Variants in FGF2 observed in about 807,000 individuals in gnomAD.
FGF2 encodes the protein basic fibroblast growth factor bFGF.
FGF2 carries 13 observed loss-of-function variants against 15.9 expected under a neutral mutation model. That is an observed-to-expected ratio of 0.82 (90% CI 0.53 to 1.30). The LOEUF is 1.30. Ranked by LOEUF, FGF2 falls within the 50% of genes most tolerant of loss-of-function variation. The pLI is 0.00. For missense variants in FGF2, 163 were observed against 196.9 expected (o/e 0.83, Z 1.03); for synonymous variants, 90 against 78.4 (o/e 1.15, Z -0.78).
chr4:122,895,538 C>A lies in FGF2; in HGVS notation c.*3142C>A, dbSNP rs187737646. On this transcript the variant is annotated 3_prime_UTR_variant, in exon 3 of 3. Transcript: ENST00000644866. ...ACTGATGATCTCTGATAAGGCTCAG[C>A]TGCTTTATAGTTCTCTGGCTAATGC... is the stretch of plus-strand genomic sequence containing the variant. The A allele has an allele frequency of 6.6e-6, 1 of 152,308 alleles. No individual in the cohort carries two copies. Among genetic ancestry groups the A allele is most frequent in the African/African-American group, 2.4e-5 (1 of 41,568 alleles). 9.4% of individuals were successfully genotyped at this position (152,308 alleles called of 1,614,324 possible). A position where few individuals can be genotyped will look rare whatever the true frequency, so the allele number is the denominator to read the frequency against.
Position 122,827,489 on chromosome 4 carries a change from T to G in FGF2, c.178+137T>G. On this transcript the variant is annotated intron_variant, in intron 1 of 2. Transcript: ENST00000644866. The surrounding 1 kb of genome is among the most constrained non-coding windows in gnomAD (Gnocchi z 4.2). ...CGTGTGGTTTCTGGCCGCGCGGCCC[T>G]CGGCGGTTTCGGGTTCACCACTCAC... 1 of 995,342 alleles carries G rather than the reference T, an allele frequency of 1.0e-6. No individual in the cohort carries two copies. The allele number at this position is 995,342 out of a possible 1,614,324, so 61.7% of individuals were successfully genotyped here.
chr4:122,853,941 A>G (rs1349057521), intron 1 of FGF2, among the ~76,000 whole-genome samples: 2 of 152,354 alleles, frequency 1.3e-5, no homozygotes, highest in African/African-American at 4.8e-5. Context: ...ACTATTAAAA[A>G]TAGACATTTG....
chr4:122,857,118 A>G (rs111570184), intron 1 of FGF2, among the ~76,000 whole-genome samples: 2,155 of 152,306 alleles, frequency 0.014, 43 homozygotes, highest in South Asian at 0.04. Context: ...TATTCTTACC[A>G]GAAAATGCCC....
At position 122,827,862 on chromosome 4, in the gene FGF2, A is replaced by C. The variant is rs1290291626; in HGVS notation, c.178+510A>C. On this transcript the variant is annotated intron_variant, in intron 1 of 2. Transcript: ENST00000644866. This position sits in a 1 kb window ranked among gnomAD's most constrained non-coding sequence, Gnocchi z 4.2. Reference sequence around the variant, plus strand: ...ACACTACTCTCACCCACTCTGTTTTATATTTTTCCGAATTGACGAAAGCTG... The same window carrying C: ...ACACTACTCTCACCCACTCTGTTTTCTATTTTTCCGAATTGACGAAAGCTG... 6.6e-6 allele frequency among the ~76,000 whole-genome samples: 1 copy of C among 152,240 alleles called. No individual in the cohort carries two copies. Among genetic ancestry groups the C allele is most frequent in the East Asian group, 1.9e-4 (1 of 5,196 alleles).
intron 1 of FGF2, among the ~76,000 whole-genome samples, chr4:122,871,327 T>C (rs1000931980): frequency 5.3e-5 from 8 of 152,210 alleles, no homozygotes; most frequent in African/African-American, 1.9e-4. Context: ...TATAGATGTC[T>C]ACTAGATCCA....
Position 122,892,488 on chromosome 4 carries a change from A to G in FGF2, c.*92A>G. The G allele has an allele frequency of 6.3e-7, 1 of 1,575,930 alleles. No homozygotes were observed. Among genetic ancestry groups the G allele is most frequent in the Non-Finnish European group, 8.6e-7 (1 of 1,159,030 alleles). ...AGAGTAAAAGAAAATAAATGTGTAT[A>G]GCTCAGTTTGGATAATTGGTCAAAC... On this transcript the variant is annotated 3_prime_UTR_variant, in exon 3 of 3. Coordinates refer to ENST00000644866, the MANE Select transcript of FGF2 (RefSeq NM_001361665.2).
chr4:122,889,497 G>T (rs1727125243), intron 2 of FGF2, among the ~76,000 whole-genome samples: 1 of 144,650 alleles, frequency 6.9e-6, no homozygotes, highest in Non-Finnish European at 1.5e-5. Flanking sequence ...AGATGACTTG[G>T]AAACTCAGAA....
At chr4:122,849,153 A>G (rs932336338) in intron 1 of FGF2, among the ~76,000 whole-genome samples, 1 of 152,144 alleles carries the variant, frequency 6.6e-6, no homozygotes, top group Non-Finnish European at 1.5e-5. Context: ...AAACAATAAA[A>G]TCTCTTTGGT....
intron 2 of FGF2, chr4:122,890,225 G>A (rs1727139209): frequency 6.6e-6 from 1 of 152,126 alleles, no homozygotes; most frequent in South Asian, 2.1e-4. Flanking sequence ...ATTGGATTTG[G>A]AATATATTGG....
intron 1 of FGF2, among the ~76,000 whole-genome samples, chr4:122,838,929 T>G (rs544911667): frequency 6.6e-6 from 1 of 152,334 alleles, no homozygotes; most frequent in Admixed American, 6.5e-5. Flanking sequence ...GGTGGTCCCA[T>G]AGGATTATAA....
chr4:122,870,808 G>C (rs1402165286), intron 1 of FGF2, among the ~76,000 whole-genome samples: 2 of 151,026 alleles, frequency 1.3e-5, no homozygotes, highest in Non-Finnish European at 2.9e-5. Flanking sequence ...AGGGTTTTTC[G>C]TGTCTCTATC....
Position 122,827,004 on chromosome 4 carries a change from T to C in FGF2, c.-171T>C. ...GCGGACAGAAGAGCGGCCGAGCGGC[T>C]CGAGGCTGGGGGACCGCGGGCGCGG... On this transcript the variant is annotated 5_prime_UTR_variant, in exon 1 of 3. Transcript: ENST00000644866. The surrounding 1 kb of genome is among the most constrained non-coding windows in gnomAD (Gnocchi z 4.2). The C allele has an allele frequency of 8.1e-7, 1 of 1,229,138 alleles. No homozygotes were observed. The highest frequency in any genetic ancestry group is 1.0e-6 in the Non-Finnish European group (1 of 986,706). The allele number at this position is 1,229,138 out of a possible 1,614,324, so 76.1% of individuals were successfully genotyped here.
intron 1 of FGF2, among the ~76,000 whole-genome samples, chr4:122,836,739 AG>A: frequency 6.6e-6 from 1 of 152,250 alleles, no homozygotes; most frequent in Non-Finnish European, 1.5e-5. Context: ...TAAATACTAT[AG>A]TATGAGGCAT....
At chr4:122,845,063 C>T (rs189598116) in intron 1 of FGF2, among the ~76,000 whole-genome samples, 10 of 152,326 alleles carry the variant, frequency 6.6e-5, no homozygotes, top group African/African-American at 1.7e-4. Context: ...CTTGAACCAT[C>T]GGCTGCAAAA....
At chr4:122,868,706 A>G (rs935559002) in intron 1 of FGF2, among the ~76,000 whole-genome samples, 6 of 152,202 alleles carry the variant, frequency 3.9e-5, no homozygotes, top group African/African-American at 1.4e-4. Flanking sequence ...GTCTTCAACA[A>G]TGGTTGAACT....
chr4:122,836,187 C>T (rs1193629906), intron 1 of FGF2, among the ~76,000 whole-genome samples: 1 of 152,154 alleles, frequency 6.6e-6, no homozygotes, highest in Non-Finnish European at 1.5e-5. Context: ...GCACTGGATC[C>T]CATTTGCTGC....
At chr4:122,851,575 AGTGTT>A (rs1192931279) in intron 1 of FGF2, among the ~76,000 whole-genome samples, 1 of 152,206 alleles carries the variant, frequency 6.6e-6, no homozygotes, top group African/African-American at 2.4e-5. Context: ...TCTAGTAGAT[AGTGTT>A]GTGAGTTTTA....
intron 1 of FGF2, among the ~76,000 whole-genome samples, chr4:122,870,911 T>A (rs186504587): frequency 6.6e-6 from 1 of 152,278 alleles, no homozygotes; most frequent in Admixed American, 6.5e-5. Flanking sequence ...TTAATTATGA[T>A]GTTAGGGTGT....
At chr4:122,880,182 A>G (rs1483891939) in intron 2 of FGF2, among the ~76,000 whole-genome samples, 1 of 151,858 alleles carries the variant, frequency 6.6e-6, no homozygotes, top group African/African-American at 2.4e-5. Context: ...GATGGGAGAA[A>G]TTGGCCCAAA....
Sources: allele counts gnomAD v4.1 joint callset (sites outside exome capture counted in the v4.1 genomes callset), GRCh38; gene constraint gnomAD v4.1.1; non-coding constraint Gnocchi (gnomAD v3.1); transcripts MANE v1.5; gene names NCBI Gene and HGNC (gene_info 2026-07-23, HGNC 2026-07-21).